Variants in TTLL12 observed in about 807,000 individuals in gnomAD.
The protein encoded by TTLL12 is tubulin--tyrosine ligase-like protein 12.
Under a neutral mutation model 79.6 loss-of-function variants are expected in TTLL12, and 77 were observed. The ratio of observed to expected loss-of-function variants is 0.97; its 90% CI spans 0.81 to 1.17. TTLL12 has a LOEUF of 1.17. Among genes scored for constraint, TTLL12 ranks in the 50% most tolerant of loss-of-function variants. The pLI is 0.00. For synonymous variants in TTLL12, 437 were observed against 376.1 expected, an observed-to-expected ratio of 1.16 and a Z score of -1.87; for missense variants, 969 against 895.9, an observed-to-expected ratio of 1.08 and a Z score of -1.04.
At chr22:43,173,887 C>T in intron 8 of TTLL12, 61 bp from the exon 9 acceptor site, 3 of 1,481,368 alleles carry the variant, frequency 2.0e-6, no homozygotes, top group African/African-American at 2.8e-5. Flanking sequence ...ATGGTGCCAC[C>T]CCAGGACCCA....
Position 43,168,804 on chromosome 22 carries a change from G to C in TTLL12, c.1753C>G (p.Leu585Val), listed in dbSNP as rs1212507986. ...GGGCCGTTGTCCCACTTCAGCATGA[G>C]GTCGACGGCATACATGGCCCGGGAT... ...PSSRAMYAVD[L>V]MLKWDNGPDG... Residue 585 changes from leucine to valine, a missense_variant, in exon 13 of 14, where the codon CTC becomes GTC. Leu to Val is a conservative substitution (Grantham distance 32, BLOSUM62 1). Coordinates refer to ENST00000216129, the MANE Select transcript of TTLL12 (RefSeq NM_015140.4). 1 of 1,573,340 alleles carries C rather than the reference G, an allele frequency of 6.4e-7. No individual in the cohort carries two copies.
At chr22:43,170,125 C>A (rs1264069068) in intron 11 of TTLL12, 1 of 356,298 alleles carries the variant, frequency 2.8e-6, no homozygotes, top group Non-Finnish European at 5.5e-6. Context: ...CAGGAAAGGC[C>A]CCTATGGAAG....
At position 43,167,854 on chromosome 22, in the gene TTLL12, G is replaced by A; in HGVS notation, c.*154C>T. On this transcript the variant is annotated 3_prime_UTR_variant, in exon 14 of 14. Transcript: ENST00000216129. Reference sequence around the variant, plus strand: ...GGAGGATGCTGTGCTCCCGGAGTGTGGCGCCGGGAGGATGGCTCGGCAGGA... The same window carrying A: ...GGAGGATGCTGTGCTCCCGGAGTGTAGCGCCGGGAGGATGGCTCGGCAGGA... 3.3e-6 allele frequency: 3 copies of A among 906,044 alleles called. No homozygotes were observed. Among genetic ancestry groups the A allele is most frequent in the East Asian group, 2.5e-5 (1 of 39,562 alleles). 56.1% of individuals were successfully genotyped at this position (906,044 alleles called of 1,614,324 possible). A position where few individuals can be genotyped will look rare whatever the true frequency, so the allele number is the denominator to read the frequency against.
chr22:43,174,429 G>C, intron 7 of TTLL12, 26 bp from the exon 8 acceptor site: 1 of 1,562,300 alleles, frequency 6.4e-7, no homozygotes, highest in Non-Finnish European at 8.7e-7. Context: ...AGGTGCGCCA[G>C]CTCAAGGGGA....
chr22:43,180,003 GCAGA>G lies in TTLL12; in HGVS notation c.547-7_547-4del, dbSNP rs766919538. 5 of 1,586,872 alleles carry G rather than the reference GCAGA, an allele frequency of 3.2e-6. No homozygotes were observed. The highest frequency in any genetic ancestry group is 3.4e-6 in the Non-Finnish European group (4 of 1,168,474). ...ACCGGCATCTTCTCCTCAGCTGTCT[GCAGA>G]CAGAGCACATATGGCACCTCTCGCT... On this transcript the variant is annotated splice_region_variant and splice_polypyrimidine_tract_variant and intron_variant, in intron 3 of 13. Transcript: ENST00000216129.
At chr22:43,173,553 G>A (rs940276507) in intron 9 of TTLL12, among the ~76,000 whole-genome samples, 162 bp downstream of exon 9, 1 of 152,182 alleles carries the variant, frequency 6.6e-6, no homozygotes, top group African/African-American at 2.4e-5. Flanking sequence ...CTGGGCTCAA[G>A]TGATCCTCCT....
At chr22:43,181,914 A>G (rs924684541) in intron 2 of TTLL12, among the ~76,000 whole-genome samples, 1 of 151,062 alleles carries the variant, frequency 6.6e-6, no homozygotes, top group Admixed American at 6.6e-5. Context: ...GGCAAGTGCA[A>G]CAAGGGGTGT....
At position 43,174,173 on chromosome 22, in the gene TTLL12, G is replaced by A; in HGVS notation, c.1229+36C>T. 1.9e-6 allele frequency: 3 copies of A among 1,589,708 alleles called. No individual in the cohort carries two copies. In the Admixed American group the frequency reaches 5.1e-5, roughly 27 times the overall value. ...CACAGACGCTGGGCCGGGGAAAAGG[G>A]CCATGGAGCACACCGATGCCGTGTC... On this transcript the variant is annotated intron_variant, in intron 8 of 13. Coordinates refer to ENST00000216129, the MANE Select transcript of TTLL12 (RefSeq NM_015140.4).
intron 8 of TTLL12, 35 bp downstream of exon 8, chr22:43,174,174 C>A (rs1400604004): frequency 6.3e-7 from 1 of 1,589,938 alleles, no homozygotes; most frequent in East Asian, 2.2e-5. Context: ...GGGAAAAGGG[C>A]CATGGAGCAC....
rs192363255 is a variant in TTLL12 at position 43,174,596 on chromosome 22, G to C, written c.937C>G (p.Gln313Glu). The C allele has an allele frequency of 7.4e-6, 12 of 1,611,696 alleles. No homozygotes were observed. In the African/African-American group the frequency reaches 1.3e-4, roughly 18 times the overall value. ...GGGTGGGTGAGGCTGCTGGCCACCT[G>C]CTGCACGTCCGTGTAGACCCTGTGG... ...HIFKVYTDVQ[Q>E]VASSLTHPRF... Residue 313 changes from glutamine to glutamate, a missense_variant, in exon 7 of 14, where the codon CAG becomes GAG. Coordinates refer to ENST00000216129, the MANE Select transcript of TTLL12 (RefSeq NM_015140.4).
chr22:43,169,886 G>C lies in TTLL12; in HGVS notation c.1576-318C>G, dbSNP rs186757920. 4.3e-3 allele frequency: 2,062 copies of C among 478,610 alleles called. 10 individuals carry two copies. Among genetic ancestry groups the C allele is most frequent in the Middle Eastern group, 9.4e-3 (30 of 3,184 alleles). The allele number at this position is 478,610 out of a possible 1,614,324, so 29.6% of individuals were successfully genotyped here. A position where few individuals can be genotyped will look rare whatever the true frequency, so the allele number is the denominator to read the frequency against. On this transcript the variant is annotated intron_variant, in intron 11 of 13. Transcript: ENST00000216129. Reference sequence around the variant, plus strand: ...GCTCACGCGAGACAATGAACATCGAGGGCTCCAGAAACTGCAGGGCCTGGG... The same window carrying C: ...GCTCACGCGAGACAATGAACATCGACGGCTCCAGAAACTGCAGGGCCTGGG...
At chr22:43,169,285 C>T (rs1217802932) in intron 12 of TTLL12, among the ~76,000 whole-genome samples, 1 of 152,196 alleles carries the variant, frequency 6.6e-6, no homozygotes, top group African/African-American at 2.4e-5. Context: ...ACATGCCCCT[C>T]CAGCTCCCTC....
chr22:43,172,790 C>T (rs1325423920), intron 9 of TTLL12, among the ~76,000 whole-genome samples: 2 of 152,036 alleles, frequency 1.3e-5, no homozygotes, highest in East Asian at 1.9e-4. Flanking sequence ...CTCTGCCTCC[C>T]GGGTTCAAGC....
Position 43,177,168 on chromosome 22 carries a change from G to A in TTLL12, c.841-772C>T, listed in dbSNP as rs957816460. Among the ~76,000 whole-genome samples the A allele has an allele frequency of 2.6e-5, 4 of 151,984 alleles. 1 individual carries two copies. Among genetic ancestry groups the A allele is most frequent in the Non-Finnish European group, 4.4e-5 (3 of 67,988 alleles). On this transcript the variant is annotated intron_variant, in intron 5 of 13. Transcript: ENST00000216129. ...GGAGTACCTGAGCCCAGGTGTGTAGGACCAGCCTGGGCAACATAGTGAGAC... is the reference window on the plus strand; with the variant it reads ...GGAGTACCTGAGCCCAGGTGTGTAGAACCAGCCTGGGCAACATAGTGAGAC...
Position 43,186,869 on chromosome 22 carries a change from C to A in TTLL12, c.177+24G>T, listed in dbSNP as rs1932198014. 9 of 1,256,172 alleles carry A rather than the reference C, an allele frequency of 7.2e-6. No individual in the cohort carries two copies. The African/African-American group carries it at 7.9e-5, about 11-fold the overall frequency. The allele number at this position is 1,256,172 out of a possible 1,614,324, so 77.8% of individuals were successfully genotyped here. A position where few individuals can be genotyped will look rare whatever the true frequency, so the allele number is the denominator to read the frequency against. On this transcript the variant is annotated intron_variant, in intron 1 of 13. Transcript: ENST00000216129. ...CCGCGCTCCCACCCCGGCCGCCGCA[C>A]GTGCCCGCCGCCCTTCCCCGCACCT...
intron 10 of TTLL12, 151 bp downstream of exon 10, chr22:43,172,252 G>C: frequency 1.1e-6 from 1 of 936,202 alleles, no homozygotes; most frequent in Non-Finnish European, 1.6e-6. Context: ...AACACCAAGG[G>C]AGATGGGCTC....
chr22:43,170,591 T>C (rs778699954), intron 11 of TTLL12, among the ~76,000 whole-genome samples: 13 of 152,040 alleles, frequency 8.6e-5, no homozygotes, highest in South Asian at 4.1e-4. Flanking sequence ...GAAGGATCCG[T>C]TGAATAAGAT....
In TTLL12 at chr22:43,181,799, G is replaced by A. The variant is rs555540432; in HGVS notation, c.348-859C>T. Among the ~76,000 whole-genome samples the A allele has an allele frequency of 1.2e-4, 19 of 152,330 alleles. No homozygotes were observed. In the South Asian group the frequency reaches 3.7e-3, roughly 30 times the overall value. On this transcript the variant is annotated intron_variant, in intron 2 of 13. Transcript: ENST00000216129. ...AGTATTTATCTTATTGTGCTTATAT[G>A]AGTTTTGTTGGCCTGTCCTAAAATA... is the stretch of plus-strand genomic sequence containing the variant.
At chr22:43,184,664 T>C (rs975856941) in intron 1 of TTLL12, among the ~76,000 whole-genome samples, 1 of 152,196 alleles carries the variant, frequency 6.6e-6, no homozygotes, top group Non-Finnish European at 1.5e-5. Context: ...TACTGCCTTC[T>C]CCAGTTTAGG....
Sources: gnomAD v4.1 joint callset for allele counts (sites outside exome capture counted in the v4.1 genomes callset) on GRCh38, gnomAD v4.1.1 for gene constraint, MANE v1.5 for transcripts, NCBI Gene and HGNC (gene_info 2026-07-23, HGNC 2026-07-21) for gene names.